The following NDUFB4 variants were observed in gnomAD, a reference collection of about 807,000 sequenced individuals.
The protein encoded by NDUFB4 is NADH dehydrogenase [ubiquinone] 1 beta subcomplex subunit 4.
Under a neutral mutation model 14.5 loss-of-function variants are expected in NDUFB4, and 10 were observed. That is an observed-to-expected ratio of 0.69 (90% CI 0.43 to 1.17). The LOEUF (loss-of-function observed/expected upper bound fraction) is 1.17, where lower values mean the gene tolerates loss of function less well. Ranked by LOEUF, NDUFB4 falls within the 50% of genes most tolerant of loss-of-function variation. The probability of loss-of-function intolerance (pLI) is 0.00; values close to 1 mark genes in which losing one functional copy is unlikely to be tolerated. For synonymous variants in NDUFB4, 65 were observed against 63.4 expected (o/e 1.03, Z -0.12); for missense variants, 165 against 161.1 (o/e 1.02, Z -0.13).
intron 2 of NDUFB4, 97 bp downstream of exon 2, chr3:120,601,354 C>T: frequency 1.9e-6 from 3 of 1,571,324 alleles, no homozygotes; most frequent in Non-Finnish European, 2.6e-6. Flanking sequence ...ACCAGTGCCC[C>T]TCCCACCTTG....
chr3:120,602,194 TTC>T lies in NDUFB4; in HGVS notation c.328-12_328-11del, dbSNP rs202115745. 3,039 of 1,603,920 alleles carry T rather than the reference TTC, an allele frequency of 1.9e-3. 54 individuals carry two copies. In the African/African-American group the frequency reaches 0.037, roughly 20 times the overall value. ...ATATATTGTCTTTAATGTACTTTTTTTCTGTCTTTACAGGATAGGAAAGAAAA... is the reference window on the plus strand; with the variant it reads ...ATATATTGTCTTTAATGTACTTTTTTTGTCTTTACAGGATAGGAAAGAAAA... On this transcript the variant is annotated splice_polypyrimidine_tract_variant and intron_variant, in intron 2 of 2. Coordinates refer to ENST00000184266, the MANE Select transcript of NDUFB4 (RefSeq NM_004547.6).
At position 120,596,369 on chromosome 3, in the gene NDUFB4, C is replaced by T. The variant is rs1185784379; in HGVS notation, c.10C>T (p.Pro4Ser). The change falls in exon 1 of 3, where the codon CCA (proline) becomes TCA (serine). Residue 4 changes from proline (P) to serine (S), a missense_variant. Pro to Ser is a moderately conservative substitution (Grantham distance 74). Transcript: ENST00000184266. ...GCCCTGGTTCGCCAAGATGTCGTTC[C>T]CAAAGTATAAGCCGTCGAGCCTGCG... MSFPKYKPSSLRTL... is the reference protein window; with the variant it reads MSFSKYKPSSLRTL... 12 of 1,614,028 alleles carry T rather than the reference C, an allele frequency of 7.4e-6. No homozygotes were observed. The Admixed American group carries it at 1.5e-4, about 20-fold the overall frequency.
At chr3:120,596,576 A>C (rs1251598653) in intron 1 of NDUFB4, 37 bp downstream of exon 1, 2 of 1,601,086 alleles carry the variant, frequency 1.2e-6, no homozygotes, top group Non-Finnish European at 1.7e-6. Flanking sequence ...ATAGGGCCCG[A>C]GTCCTGGGAG....
Position 120,596,485 on chromosome 3 carries a change from G to T in NDUFB4, c.126G>T (p.Gln42His), listed in dbSNP as rs1488248968. The T allele has an allele frequency of 3.7e-6, 6 of 1,614,058 alleles. No homozygotes were observed. The highest frequency in any genetic ancestry group is 4.2e-6 in the Non-Finnish European group (5 of 1,179,970). ...AQAERLAIRA[Q>H]LKREYLLQYN... is the part of the protein sequence containing the mutation. ...CCGAGCGGTTGGCCATAAGAGCCCA[G>T]CTGAAACGAGAGTACCTGCTTCAGT... Residue 42 changes from glutamine to histidine, a missense_variant, in exon 1 of 3, where the codon CAG becomes CAT. Coordinates refer to ENST00000184266, the MANE Select transcript of NDUFB4 (RefSeq NM_004547.6).
At chr3:120,600,726 A>G (rs1440097052) in intron 1 of NDUFB4, among the ~76,000 whole-genome samples, 2 of 152,218 alleles carry the variant, frequency 1.3e-5, no homozygotes, top group African/African-American at 2.4e-5. Flanking sequence ...GGAATACTGC[A>G]TGGTTCTGAT....
In NDUFB4 at chr3:120,602,217, GAA is replaced by G. The variant is rs780399215; in HGVS notation, c.341_342del (p.Lys114ThrfsTer28). The G allele has an allele frequency of 1.2e-6, 2 of 1,610,918 alleles. No homozygotes were observed. ...TTTTCTGTCTTTACAGGATAGGAAAGAAAAACTTATCCAGGAAGGAAAATTGG... is the reference window on the plus strand; with the variant it reads ...TTTTCTGTCTTTACAGGATAGGAAAGAAACTTATCCAGGAAGGAAAATTGG... ...YIIKTERDRK[E>X]KLIQEGKLDR... On this transcript the variant is annotated frameshift_variant, in exon 3 of 3. Transcript: ENST00000184266. LOFTEE classifies it high-confidence loss of function.
At chr3:120,597,629 C>T (rs1458795107) in intron 1 of NDUFB4, among the ~76,000 whole-genome samples, 1 of 152,224 alleles carries the variant, frequency 6.6e-6, no homozygotes, top group Non-Finnish European at 1.5e-5. Flanking sequence ...CCCCATTTTA[C>T]AGATGAGAAG....
Position 120,602,319 on chromosome 3 carries a change from T to A in NDUFB4, c.*49T>A. 1 of 1,488,738 alleles carries A rather than the reference T, an allele frequency of 6.7e-7. No individual in the cohort carries two copies. Among genetic ancestry groups the A allele is most frequent in the Non-Finnish European group, 9.2e-7 (1 of 1,082,200 alleles). 92.2% of individuals were successfully genotyped at this position (1,488,738 alleles called of 1,614,324 possible). Reference sequence around the variant, plus strand: ...ATTCCTGCCTAAATAAATCATCTATTAATCATTAAGTAGTAGTTTCTCTTT... The same window carrying A: ...ATTCCTGCCTAAATAAATCATCTATAAATCATTAAGTAGTAGTTTCTCTTT... On this transcript the variant is annotated 3_prime_UTR_variant, in exon 3 of 3. Transcript: ENST00000184266.
intron 1 of NDUFB4, among the ~76,000 whole-genome samples, chr3:120,598,009 A>G (rs186296671): frequency 4.5e-4 from 68 of 151,628 alleles, no homozygotes; most frequent in Non-Finnish European, 8.7e-4. Context: ...AGTGTGTGAC[A>G]CTATCATTTA....
At position 120,601,091 on chromosome 3, in the gene NDUFB4, T is replaced by C. The variant is rs1355160029; in HGVS notation, c.181-20T>C. ...TGATCCTTCTTAAGTTCTATAACTT[T>C]TTGTTTTCATTAATTTTAGGAAAAT... On this transcript the variant is annotated intron_variant, in intron 1 of 2. Transcript: ENST00000184266. 1 of 1,590,916 alleles carries C rather than the reference T, an allele frequency of 6.3e-7. No homozygotes were observed. The highest frequency in any genetic ancestry group is 1.4e-5 in the African/African-American group (1 of 73,432).
At chr3:120,596,753 T>C (rs1939963225) in intron 1 of NDUFB4, 2 of 573,696 alleles carry the variant, frequency 3.5e-6, no homozygotes, top group Non-Finnish European at 6.2e-6. Flanking sequence ...GAATCCTGGC[T>C]TGATCACTTC....
Position 120,602,386 on chromosome 3 carries a change from C to CT in NDUFB4, c.*117dup. 1 of 991,238 alleles carries CT rather than the reference C, an allele frequency of 1.0e-6. No homozygotes were observed. Among genetic ancestry groups the CT allele is most frequent in the Middle Eastern group, 3.4e-4 (1 of 2,964 alleles). 61.4% of individuals were successfully genotyped at this position (991,238 alleles called of 1,614,324 possible). The stretch of plus-strand genomic sequence containing the variant: ...TTCAATGTTAAAAACTATTAACACC[C>CT]TAACAACACAGAAGCAGACGCAGCC... On this transcript the variant is annotated 3_prime_UTR_variant, in exon 3 of 3. Coordinates refer to ENST00000184266, the MANE Select transcript of NDUFB4 (RefSeq NM_004547.6).
Position 120,600,935 on chromosome 3 carries a change from A to C in NDUFB4, c.181-176A>C, listed in dbSNP as rs1370940084. 6.8e-6 allele frequency: 4 copies of C among 585,176 alleles called. No homozygotes were observed. The African/African-American group carries it at 7.7e-5, about 11-fold the overall frequency. The allele number at this position is 585,176 out of a possible 1,614,324, so 36.2% of individuals were successfully genotyped here. A position where few individuals can be genotyped will look rare whatever the true frequency, so the allele number is the denominator to read the frequency against. On this transcript the variant is annotated intron_variant, in intron 1 of 2. Transcript: ENST00000184266. The stretch of plus-strand genomic sequence containing the variant: ...GATTTGAACAAGATCATTAGAATTC[A>C]AAAAACACCAGAAATGAAAGATCTT...
At chr3:120,598,857 G>A (rs1940010036) in intron 1 of NDUFB4, among the ~76,000 whole-genome samples, 1 of 152,108 alleles carries the variant, frequency 6.6e-6, no homozygotes, top group African/African-American at 2.4e-5. Context: ...AGGCCTTGTA[G>A]GTAATTGTAA....
intron 1 of NDUFB4, chr3:120,596,796 C>T (rs1268395658): frequency 7.7e-6 from 4 of 519,672 alleles, no homozygotes; most frequent in African/African-American, 1.9e-5. Context: ...GTTATTCACT[C>T]TGCTTATCCT....
intron 1 of NDUFB4, among the ~76,000 whole-genome samples, chr3:120,597,050 CT>C (rs1401469627): frequency 9.6e-4 from 138 of 144,332 alleles, no homozygotes; most frequent in Non-Finnish European, 1.8e-3. Context: ...ATATTATATT[CT>C]ATATATATGC....
intron 1 of NDUFB4, among the ~76,000 whole-genome samples, chr3:120,598,386 A>G (rs1189908684): frequency 6.6e-6 from 1 of 152,134 alleles, no homozygotes; most frequent in Non-Finnish European, 1.5e-5. Flanking sequence ...GATTGATTGA[A>G]TCAATAAATA....
At chr3:120,599,682 T>C (rs1940025502) in intron 1 of NDUFB4, among the ~76,000 whole-genome samples, 1 of 152,126 alleles carries the variant, frequency 6.6e-6, no homozygotes, top group Non-Finnish European at 1.5e-5. Flanking sequence ...TAATGAACTA[T>C]GGTCATGGGG....
rs373452066 is a variant in NDUFB4, at chr3:120,602,135, T to G, written c.328-73T>G. ...TGCAGTTTTTCTTACCTTTTTTATT[T>G]ATTTATTTTTATCTAATATAGCCAA... On this transcript the variant is annotated intron_variant, in intron 2 of 2. Transcript: ENST00000184266. 12 of 1,560,818 alleles carry G rather than the reference T, an allele frequency of 7.7e-6. No individual in the cohort carries two copies. The East Asian group carries it at 1.8e-4, about 24-fold the overall frequency.
Sources: allele counts gnomAD v4.1 joint callset (sites outside exome capture counted in the v4.1 genomes callset), GRCh38; gene constraint gnomAD v4.1.1; transcripts MANE v1.5; gene names NCBI Gene and HGNC (gene_info 2026-07-23, HGNC 2026-07-21).